The following ARID5B variants were observed in gnomAD, a reference collection of about 807,000 sequenced individuals.
The protein encoded by ARID5B is AT-rich interaction domain 5B.
Under a neutral mutation model 97.2 loss-of-function variants are expected in ARID5B, and 13 were observed. That is an observed-to-expected ratio of 0.13 (90% CI 0.09 to 0.21). The LOEUF (loss-of-function observed/expected upper bound fraction) is 0.21. Among genes scored for constraint, ARID5B ranks in the 10% least tolerant of loss-of-function variants. The pLI is 1.00. For synonymous variants in ARID5B, 556 were observed against 570.3 expected (o/e 0.97, Z 0.36); for missense variants, 1,210 against 1,465.3 (o/e 0.83, Z 2.84).
intron 3 of ARID5B, among the ~76,000 whole-genome samples, chr10:61,989,760 C>G (rs1362693124): frequency 6.6e-6 from 1 of 152,170 alleles, no homozygotes; most frequent in Non-Finnish European, 1.5e-5. Context: ...TTTAGAGCAT[C>G]ATAACACAGG....
intron 2 of ARID5B, among the ~76,000 whole-genome samples, chr10:61,929,759 A>C (rs1450495495): frequency 2.0e-5 from 3 of 152,210 alleles, no homozygotes; most frequent in Non-Finnish European, 4.4e-5. Flanking sequence ...CATATCCTGT[A>C]GTCATAATTT....
chr10:62,072,527 G>A (rs995800327), intron 8 of ARID5B, among the ~76,000 whole-genome samples: 6 of 152,186 alleles, frequency 3.9e-5, no homozygotes, highest in African/African-American at 1.4e-4. Context: ...TCCGCCAAGT[G>A]GGAACCCCAT....
intron 3 of ARID5B, among the ~76,000 whole-genome samples, chr10:61,982,991 AG>A (rs751079938): frequency 3.3e-5 from 5 of 152,224 alleles, no homozygotes; most frequent in African/African-American, 4.8e-5. Flanking sequence ...GGCAAAGTAG[AG>A]GGATCTGGTG....
intron 9 of ARID5B, among the ~76,000 whole-genome samples, chr10:62,089,137 T>A (rs946083451): frequency 2.6e-5 from 4 of 152,210 alleles, no homozygotes; most frequent in Non-Finnish European, 4.4e-5. Flanking sequence ...CCTTTTTCCC[T>A]TGCCATACTC....
chr10:61,917,519 A>C (rs181590736), intron 2 of ARID5B, among the ~76,000 whole-genome samples: 99 of 152,096 alleles, frequency 6.5e-4, no homozygotes, highest in African/African-American at 2.3e-3. Context: ...AGTAGAGATG[A>C]GGTTTTGCCA....
intron 2 of ARID5B, among the ~76,000 whole-genome samples, chr10:61,915,739 CTTTGTTTGTTTGTTT>C (rs1028637771): frequency 6.6e-6 from 1 of 152,074 alleles, no homozygotes; most frequent in African/African-American, 2.4e-5. Flanking sequence ...TACTATCTGT[CTTTGTTTGTTTGTTT>C]TTTGTTTGTT....
In ARID5B at chr10:62,091,429, A is replaced by C; in HGVS notation, c.1966A>C (p.Met656Leu). 3.7e-6 allele frequency: 6 copies of C among 1,612,490 alleles called. No homozygotes were observed. The highest frequency in any genetic ancestry group is 5.1e-6 in the Non-Finnish European group (6 of 1,179,010). The change falls in exon 10 of 10, where the codon ATG becomes CTG. Residue 656 changes from methionine to leucine, a missense_variant. Transcript: ENST00000279873. ...PKVLVVQSFD[M>L]FKDKDLTGPM... ...GGTCCTTGTGGTCCAGTCGTTTGAC[A>C]TGTTCAAAGACAAAGACCTGACTGG...
chr10:62,030,647 A>G (rs1198991098), intron 4 of ARID5B, among the ~76,000 whole-genome samples: 8 of 152,226 alleles, frequency 5.3e-5, no homozygotes, highest in Non-Finnish European at 1.5e-5. Flanking sequence ...AGCAACCCGT[A>G]GTGGCCTTCT....
Position 62,050,926 on chromosome 10 carries a change from T to G in ARID5B, c.772T>G (p.Cys258Gly), listed in dbSNP as rs146939872. ...AGGCAGACCACGCAAAAAGAAACCA[T>G]GCCCACAAAGAAGAGATTCATTCAG... ...LKGRPRKKKP[C>G]PQRRDSFSGV... Residue 258 changes from cysteine (C) to glycine (G), a missense_variant, in exon 5 of 10, where the codon TGC becomes GGC. Physicochemically the swap from Cys to Gly is radical, Grantham distance 159. This residue lies in a region of ARID5B where 132 missense variants were observed against 156.7 expected (regional missense o/e 0.84). Transcript: ENST00000279873. 3.2e-5 allele frequency: 52 copies of G among 1,614,064 alleles called. No homozygotes were observed. In the African/African-American group the frequency reaches 5.5e-4, roughly 17 times the overall value.
In ARID5B at chr10:62,006,813, T is replaced by C. The variant is rs1255029204; in HGVS notation, c.733+6492T>C. On this transcript the variant is annotated intron_variant, in intron 4 of 9. Transcript: ENST00000279873. Reference sequence around the variant, plus strand: ...GAATGGCTAAGATTCGAGGATTTCTTTTCTGTTTTTGGAACTTGAAAGGAG... The same window carrying C: ...GAATGGCTAAGATTCGAGGATTTCTCTTCTGTTTTTGGAACTTGAAAGGAG... Among the ~76,000 whole-genome samples the C allele has an allele frequency of 2.0e-5, 3 of 152,202 alleles. No homozygotes were observed. The East Asian group carries it at 5.8e-4, about 29-fold the overall frequency.
At chr10:61,961,798 A>AGT (rs1838475033) in intron 3 of ARID5B, among the ~76,000 whole-genome samples, 1 of 150,034 alleles carries the variant, frequency 6.7e-6, no homozygotes, top group Non-Finnish European at 1.5e-5. Context: ...CTCAAGCTGG[A>AGT]GTGCAATGGT....
chr10:61,902,094 T>C, intron 1 of ARID5B, 65 bp from the exon 2 acceptor site: 1 of 1,587,614 alleles, frequency 6.3e-7, no homozygotes. Flanking sequence ...TAAATGTGTC[T>C]GGGAATAGAT....
chr10:62,010,006 A>C (rs1049548683), intron 4 of ARID5B, among the ~76,000 whole-genome samples: 1 of 152,178 alleles, frequency 6.6e-6, no homozygotes, highest in Non-Finnish European at 1.5e-5. Flanking sequence ...CAGCCTCCAC[A>C]AGCAAAAACT....
intron 3 of ARID5B, among the ~76,000 whole-genome samples, chr10:61,953,028 T>C (rs1299658545): frequency 2.0e-5 from 3 of 152,100 alleles, no homozygotes; most frequent in Admixed American, 2.0e-4. Flanking sequence ...GGCTTGTTTG[T>C]AATCTTTTTT....
rs1259399935 is a variant in ARID5B, at chr10:62,093,538, A to C, written c.*508A>C. ...TTGACACTATTAAACAATCCAGAGA[A>C]GTAAACACTGTTAAATTGACTGTAT... On this transcript the variant is annotated 3_prime_UTR_variant, in exon 10 of 10. Coordinates refer to ENST00000279873, the MANE Select transcript of ARID5B (RefSeq NM_032199.3). 4.3e-6 allele frequency: 1 copy of C among 234,968 alleles called. No individual in the cohort carries two copies. Among genetic ancestry groups the C allele is most frequent in the Non-Finnish European group, 8.4e-6 (1 of 119,174 alleles). 14.6% of individuals were successfully genotyped at this position (234,968 alleles called of 1,614,324 possible). A position where few individuals can be genotyped will look rare whatever the true frequency, so the allele number is the denominator to read the frequency against.
intron 4 of ARID5B, among the ~76,000 whole-genome samples, chr10:62,014,921 T>A (rs1319426490): frequency 1.3e-5 from 2 of 152,222 alleles, no homozygotes; most frequent in African/African-American, 2.4e-5. Context: ...ACTCCTGGAC[T>A]GGGTGATCTT....
At chr10:62,083,860 A>T (rs1161620019) in intron 8 of ARID5B, among the ~76,000 whole-genome samples, 1 of 152,178 alleles carries the variant, frequency 6.6e-6, no homozygotes, top group Non-Finnish European at 1.5e-5. Flanking sequence ...ATTGGGGGGA[A>T]TGTTGGGGAC....
chr10:61,950,071 G>A (rs1001408490), intron 3 of ARID5B, among the ~76,000 whole-genome samples: 3 of 152,098 alleles, frequency 2.0e-5, no homozygotes, highest in African/African-American at 4.8e-5. Context: ...GCAGTGGTGC[G>A]ATCTCTGCAG....
intron 1 of ARID5B, 127 bp downstream of exon 1, chr10:61,901,857 A>T: frequency 2.7e-6 from 2 of 728,640 alleles, no homozygotes; most frequent in Admixed American, 2.2e-5. Flanking sequence ...TACCCTCTGC[A>T]TCCCCCAAAA....
Sources: gnomAD v4.1 joint callset for allele counts (sites outside exome capture counted in the v4.1 genomes callset) on GRCh38, gnomAD v4.1.1 for gene constraint, gnomAD v4.1.1 regional missense constraint, MANE v1.5 for transcripts, NCBI Gene and HGNC (gene_info 2026-07-23, HGNC 2026-07-21) for gene names.